Variants in RTTN observed in about 807,000 individuals in gnomAD.
The protein encoded by RTTN is rotatin.
A neutral mutation model predicts 269.2 loss-of-function variants in RTTN; 182 were observed. The ratio of observed to expected loss-of-function variants is 0.68; its 90% CI spans 0.60 to 0.76. The LOEUF (loss-of-function observed/expected upper bound fraction) is 0.76, where lower values mean the gene tolerates loss of function less well. Ranked by LOEUF, RTTN falls within the 30% of genes least tolerant of loss-of-function variation. The pLI is 0.00. For missense variants in RTTN, 2,545 were observed against 2,608.6 expected (o/e 0.98, Z 0.53); for synonymous variants, 1,006 against 963.5 (o/e 1.04, Z -0.82).
At chr18:70,169,205 C>A in intron 11 of RTTN, 138 bp from the exon 12 acceptor site, 1 of 571,304 alleles carries the variant, frequency 1.8e-6, no homozygotes. Context: ...AAACTTTTTC[C>A]AAAGAAAATC....
At chr18:70,138,852 T>C (rs1015185558) in intron 21 of RTTN, 9 of 152,250 alleles carry the variant, frequency 5.9e-5, no homozygotes, top group Non-Finnish European at 1.0e-4. Context: ...TGCCTGATAA[T>C]AGACAAGATG....
chr18:70,127,994 AT>A (rs1395344587), intron 24 of RTTN: 2 of 470,886 alleles, frequency 4.2e-6, no homozygotes, highest in African/African-American at 3.9e-5. Context: ...AGATTAGAAT[AT>A]TAAGATATTC....
chr18:70,153,041 C>T (rs2145813094), intron 14 of RTTN, among the ~76,000 whole-genome samples: 1 of 152,246 alleles, frequency 6.6e-6, no homozygotes, highest in Middle Eastern at 3.4e-3. Flanking sequence ...ACGCAAAGTA[C>T]ATTCTCACCT....
chr18:70,028,863 T>C, intron 42 of RTTN, 62 bp from the exon 43 acceptor site: 2 of 1,150,024 alleles, frequency 1.7e-6, no homozygotes, highest in African/African-American at 1.5e-5. Flanking sequence ...TTTTTGTGTA[T>C]AGTAATTCCC....
intron 46 of RTTN, chr18:70,007,006 C>T (rs2056211445): frequency 6.5e-6 from 1 of 153,248 alleles, no homozygotes; most frequent in South Asian, 2.0e-4. Context: ...CTGCAGCTTC[C>T]AGTGAGATCA....
intron 14 of RTTN, among the ~76,000 whole-genome samples, chr18:70,165,760 G>T (rs899061649): frequency 1.3e-5 from 2 of 151,372 alleles, no homozygotes; most frequent in Non-Finnish European, 2.9e-5. Context: ...GGTTTCCTGG[G>T]CATAGAAATC....
chr18:70,081,712 A>G (rs1477548636), intron 32 of RTTN, among the ~76,000 whole-genome samples: 1 of 152,216 alleles, frequency 6.6e-6, no homozygotes, highest in East Asian at 1.9e-4. Flanking sequence ...ACGAAAGCAA[A>G]TATGTAAGAC....
intron 37 of RTTN, among the ~76,000 whole-genome samples, chr18:70,056,698 G>T (rs1350457268): frequency 1.3e-5 from 2 of 152,028 alleles, no homozygotes; most frequent in Non-Finnish European, 2.9e-5. Context: ...CAACCTCAGG[G>T]GTCTTGCAAT....
At chr18:70,134,358 C>T (rs1387848975) in intron 23 of RTTN, 115 bp downstream of exon 23, 3 of 786,816 alleles carry the variant, frequency 3.8e-6, no homozygotes, top group Non-Finnish European at 6.3e-6. Context: ...ACCATGAAAG[C>T]CCAAGTTATG....
At chr18:70,168,700 CT>C (rs1234307723) in intron 12 of RTTN, among the ~76,000 whole-genome samples, 154 bp downstream of exon 12, 1 of 152,050 alleles carries the variant, frequency 6.6e-6, no homozygotes, top group Non-Finnish European at 1.5e-5. Flanking sequence ...TTACTTTAAC[CT>C]GTTAAATAAC....
intron 30 of RTTN, 35 bp downstream of exon 30, chr18:70,092,075 T>C: frequency 7.1e-7 from 1 of 1,417,420 alleles, no homozygotes; most frequent in Non-Finnish European, 9.9e-7. Context: ...TTTTTTAATC[T>C]AAACACAATA....
rs1247539107 is a variant in RTTN, at chr18:70,197,615, G to A, written c.693+9C>T. On this transcript the variant is annotated intron_variant, in intron 6 of 48. Transcript: ENST00000640769. Reference sequence around the variant, plus strand: ...TTCAAAATCTAAAACAATTATAGAGGGCACTGACCTGAACAATTTTTGGCC... The same window carrying A: ...TTCAAAATCTAAAACAATTATAGAGAGCACTGACCTGAACAATTTTTGGCC... 4 of 1,535,574 alleles carry A rather than the reference G, an allele frequency of 2.6e-6. No individual in the cohort carries two copies. In the African/African-American group the frequency reaches 4.1e-5, roughly 16 times the overall value.
intron 46 of RTTN, among the ~76,000 whole-genome samples, chr18:70,011,325 A>G (rs1201528990): frequency 2.0e-5 from 3 of 152,244 alleles, no homozygotes; most frequent in African/African-American, 7.2e-5. Context: ...ATGAACATCG[A>G]TGCAAAAATC....
intron 35 of RTTN, among the ~76,000 whole-genome samples, chr18:70,060,329 C>A (rs1394208305): frequency 6.6e-6 from 1 of 152,052 alleles, no homozygotes; most frequent in African/African-American, 2.4e-5. Context: ...ACTTCATGCC[C>A]CACGTATTCA....
intron 31 of RTTN, among the ~76,000 whole-genome samples, chr18:70,087,019 A>G (rs2058719523): frequency 6.6e-6 from 1 of 152,056 alleles, no homozygotes; most frequent in Non-Finnish European, 1.5e-5. Flanking sequence ...TTTAAGAAAT[A>G]TAATTTTAGG....
rs532836432 is a variant in RTTN at position 70,176,794 on chromosome 18, G to A, written c.1357C>T (p.His453Tyr). 8.1e-6 allele frequency: 13 copies of A among 1,613,994 alleles called. No individual in the cohort carries two copies. The African/African-American group carries it at 1.3e-4, about 17-fold the overall frequency. Residue 453 changes from histidine (H) to tyrosine (Y), a missense_variant, in exon 11 of 49, where the codon CAT becomes TAT. His to Tyr is a moderately conservative substitution (Grantham distance 83). Transcript: ENST00000640769. ...TGCTCCAAACTGATACTACTTTTATGGTAGCACATGGTTTCTCCAAGGGCT... is the reference window on the plus strand; with the variant it reads ...TGCTCCAAACTGATACTACTTTTATAGTAGCACATGGTTTCTCCAAGGGCT... ...LGALGETMCY[H>Y]KSSISLEQPE...
chr18:70,166,899 A>T lies in RTTN; in HGVS notation c.1802+20T>A. ...AAGTGTCCAATAATAACGTAATCACATTAAGAAAGAAAATATTACATCTTT... is the reference window on the plus strand; with the variant it reads ...AAGTGTCCAATAATAACGTAATCACTTTAAGAAAGAAAATATTACATCTTT... On this transcript the variant is annotated intron_variant, in intron 13 of 48. Coordinates refer to ENST00000640769, the MANE Select transcript of RTTN (RefSeq NM_173630.4). 2.0e-6 allele frequency: 3 copies of T among 1,530,790 alleles called. No homozygotes were observed. Among genetic ancestry groups the T allele is most frequent in the Non-Finnish European group, 2.7e-6 (3 of 1,106,512 alleles). The allele number at this position is 1,530,790 out of a possible 1,614,324, so 94.8% of individuals were successfully genotyped here.
At chr18:70,102,944 G>C (rs2059210806) in intron 28 of RTTN, among the ~76,000 whole-genome samples, 1 of 150,198 alleles carries the variant, frequency 6.7e-6, no homozygotes, top group South Asian at 2.1e-4. Flanking sequence ...CGCCCCGTCT[G>C]GGAAGTGAGG....
At chr18:70,125,621 G>T (rs944500156) in intron 25 of RTTN, among the ~76,000 whole-genome samples, 2 of 152,006 alleles carry the variant, frequency 1.3e-5, no homozygotes, top group Admixed American at 6.6e-5. Context: ...TGTCTAGAAT[G>T]ATATAATTTG....
Sources: gnomAD v4.1 joint callset for allele counts (sites outside exome capture counted in the v4.1 genomes callset) on GRCh38, gnomAD v4.1.1 for gene constraint, MANE v1.5 for transcripts, NCBI Gene and HGNC (gene_info 2026-07-23, HGNC 2026-07-21) for gene names.